Variants in ARMC2 observed in about 807,000 individuals in gnomAD.
ARMC2 encodes the protein armadillo repeat containing 2, also known as armadillo repeat-containing protein 2.
ARMC2 carries 67 observed loss-of-function variants against 90.3 expected under a neutral mutation model. The ratio of observed to expected loss-of-function variants is 0.74; its 90% CI spans 0.61 to 0.91. The LOEUF is 0.91. ARMC2 is among the 40% of genes least tolerant of loss of function. The pLI is 0.00. For missense variants in ARMC2, 920 were observed against 1,030.9 expected, an observed-to-expected ratio of 0.89 and a Z score of 1.47; for synonymous variants, 393 against 393.0, an observed-to-expected ratio of 1.00 and a Z score of 0.00.
chr6:108,894,544 G>T lies in ARMC2; in HGVS notation c.748+1G>T. On this transcript the variant is annotated splice_donor_variant, in intron 6 of 17. Transcript: ENST00000392644. LOFTEE classifies it high-confidence loss of function. The stretch of plus-strand genomic sequence containing the variant: ...CTGAGCAGGCTGCAAACCAAAGCAG[G>T]TGAGGGGTCCCCACACTCCTTCATC... 1 of 1,597,972 alleles carries T rather than the reference G, an allele frequency of 6.3e-7. No individual in the cohort carries two copies. Among genetic ancestry groups the T allele is most frequent in the Non-Finnish European group, 8.5e-7 (1 of 1,173,660 alleles).
rs142841626 is a variant in ARMC2 at position 108,886,368 on chromosome 6, T to G, written c.672-8099T>G. On this transcript the variant is annotated intron_variant, in intron 5 of 17. Coordinates refer to ENST00000392644, the MANE Select transcript of ARMC2 (RefSeq NM_032131.6). ...TGGTTGGGAGTTCGAGACCCGCTTG[T>G]CCAACATGGTGAAACCCCATCTCTA... Among the ~76,000 whole-genome samples, 640 of 152,232 alleles carry G rather than the reference T, an allele frequency of 4.2e-3. 3 individuals carry two copies. The highest frequency in any genetic ancestry group is 0.014 in the African/African-American group (600 of 41,534).
intron 2 of ARMC2, among the ~76,000 whole-genome samples, chr6:108,855,979 A>G (rs576537338): frequency 6.6e-6 from 1 of 152,260 alleles, no homozygotes; most frequent in African/African-American, 2.4e-5. Flanking sequence ...TCTTTTGCAA[A>G]TGTTGTCTCC....
At chr6:108,968,959 A>G (rs1262893080) in intron 17 of ARMC2, among the ~76,000 whole-genome samples, 1 of 152,200 alleles carries the variant, frequency 6.6e-6, no homozygotes, top group Non-Finnish European at 1.5e-5. Flanking sequence ...GTCATGTCTT[A>G]TGAGCTCATA....
chr6:108,884,125 T>A (rs1373959574), intron 5 of ARMC2, among the ~76,000 whole-genome samples: 2 of 152,146 alleles, frequency 1.3e-5, no homozygotes, highest in African/African-American at 4.8e-5. Context: ...TTGGCCTGAT[T>A]TTGTAGAGAC....
the ARMC2 span, chr6:108,986,962 G>C: frequency 3.3e-5 from 5 of 152,650 alleles, no homozygotes; most frequent in Non-Finnish European, 5.9e-5. Flanking sequence ...GGTTGTTGCT[G>C]AGCTGTGTGA....
At chr6:108,923,895 T>A (rs1327650492) in intron 10 of ARMC2, among the ~76,000 whole-genome samples, 1 of 152,158 alleles carries the variant, frequency 6.6e-6, no homozygotes, top group Non-Finnish European at 1.5e-5. Flanking sequence ...GTCGCTCCTG[T>A]CCCTTCTTTC....
chr6:108,950,519 A>G (rs2145768), intron 12 of ARMC2, among the ~76,000 whole-genome samples: 130 of 152,332 alleles, frequency 8.5e-4, no homozygotes, highest in Non-Finnish European at 1.6e-3. Flanking sequence ...AAACTAACGC[A>G]AGAACAGAAA....
intron 12 of ARMC2, among the ~76,000 whole-genome samples, chr6:108,940,919 C>G (rs1331906834): frequency 1.5e-4 from 23 of 152,126 alleles, no homozygotes; most frequent in Admixed American, 1.5e-3. Context: ...GAAATCCTAT[C>G]TCAGAGAGAG....
At chr6:108,933,751 A>G (rs1263156968) in intron 11 of ARMC2, among the ~76,000 whole-genome samples, 17 of 152,120 alleles carry the variant, frequency 1.1e-4, no homozygotes, top group Non-Finnish European at 1.5e-5. Flanking sequence ...GCTGGTTTTC[A>G]TGGGGAATGC....
chr6:108,905,587 A>T (rs1267581301), intron 8 of ARMC2, among the ~76,000 whole-genome samples: 1 of 152,046 alleles, frequency 6.6e-6, no homozygotes, highest in Non-Finnish European at 1.5e-5. Flanking sequence ...AGGAGGAAGG[A>T]AGGAACATGA....
At chr6:109,045,322 T>A in the ARMC2 span, among the ~76,000 whole-genome samples, 1 of 152,188 alleles carries the variant, frequency 6.6e-6, no homozygotes, top group Non-Finnish European at 1.5e-5. Flanking sequence ...CTCCTTTCTG[T>A]CTCAATGCCT....
At chr6:108,908,252 A>G (rs1292998757) in intron 8 of ARMC2, among the ~76,000 whole-genome samples, 1 of 152,152 alleles carries the variant, frequency 6.6e-6, no homozygotes, top group Non-Finnish European at 1.5e-5. Context: ...GACAACACCA[A>G]ATTTCCAGAA....
chr6:109,017,662 A>G, the ARMC2 span, among the ~76,000 whole-genome samples: 2 of 152,176 alleles, frequency 1.3e-5, no homozygotes, highest in African/African-American at 4.8e-5. Context: ...GTTAGACTTA[A>G]CCACTTACAT....
chr6:108,951,724 G>C (rs758901331), intron 12 of ARMC2, among the ~76,000 whole-genome samples: 1 of 152,246 alleles, frequency 6.6e-6, no homozygotes, highest in Non-Finnish European at 1.5e-5. Flanking sequence ...GGCCCCTGGC[G>C]TCGCACCTGG....
chr6:108,971,106 C>T (rs1778737287), intron 17 of ARMC2, among the ~76,000 whole-genome samples: 1 of 152,084 alleles, frequency 6.6e-6, no homozygotes, highest in African/African-American at 2.4e-5. Context: ...TGCCTGTAGT[C>T]CCAGCTACTT....
At chr6:108,907,762 C>A in intron 8 of ARMC2, 1 of 1,610,962 alleles carries the variant, frequency 6.2e-7, no homozygotes, top group Non-Finnish European at 8.5e-7. Context: ...CTCTTTGAAA[C>A]GCTCCGAAAA....
intron 2 of ARMC2, among the ~76,000 whole-genome samples, chr6:108,855,497 C>T (rs544066283): frequency 4.4e-4 from 67 of 152,078 alleles, no homozygotes; most frequent in Non-Finnish European, 8.1e-4. Context: ...ATGATCCACC[C>T]GCCTCTGCCT....
intron 12 of ARMC2, among the ~76,000 whole-genome samples, chr6:108,940,117 A>G (rs909473215): frequency 6.6e-6 from 1 of 152,190 alleles, no homozygotes; most frequent in African/African-American, 2.4e-5. Flanking sequence ...AGGGAACCTC[A>G]TAACCAAGCT....
chr6:108,858,483 A>C (rs993871175), intron 3 of ARMC2, among the ~76,000 whole-genome samples: 1 of 152,000 alleles, frequency 6.6e-6, no homozygotes, highest in African/African-American at 2.4e-5. Flanking sequence ...CTATAGTTTG[A>C]TAATAAAGAA....
Sources: gnomAD v4.1 joint callset for allele counts (sites outside exome capture counted in the v4.1 genomes callset) on GRCh38, gnomAD v4.1.1 for gene constraint, MANE v1.5 for transcripts, NCBI Gene and HGNC (gene_info 2026-07-23, HGNC 2026-07-21) for gene names.